The following SLC4A11 variants were observed in gnomAD, a reference collection of about 807,000 sequenced individuals.
The protein encoded by SLC4A11 is solute carrier family 4 member 11.
In SLC4A11, 74 loss-of-function variants were observed where a neutral mutation model predicts 95.0. The ratio of observed to expected loss-of-function variants is 0.78; its 90% CI spans 0.65 to 0.95. SLC4A11 has a LOEUF of 0.95. Among genes scored for constraint, SLC4A11 ranks in the 40% least tolerant of loss-of-function variants. SLC4A11 has a pLI of 0.00. For missense variants in SLC4A11, 1,081 were observed against 1,192.4 expected (o/e 0.91, Z 1.38); for synonymous variants, 548 against 519.0 (o/e 1.06, Z -0.76).
chr20:3,231,598 C>A lies in SLC4A11; in HGVS notation c.730-50G>T. On this transcript the variant is annotated intron_variant, in intron 7 of 19. Transcript: ENST00000642402. This position sits in a 1 kb window ranked among gnomAD's most constrained non-coding sequence, Gnocchi z 5.2. ...CCCTAGAAACAGAGGAGGCCCTGCCCGGGCCGAGCAGGTGAAGGTGCTCTC... is the reference window on the plus strand; with the variant it reads ...CCCTAGAAACAGAGGAGGCCCTGCCAGGGCCGAGCAGGTGAAGGTGCTCTC... 2 of 1,571,676 alleles carry A rather than the reference C, an allele frequency of 1.3e-6. No homozygotes were observed. The highest frequency in any genetic ancestry group is 1.7e-6 in the Non-Finnish European group (2 of 1,146,668).
chr20:3,233,955 C>A lies in SLC4A11; in HGVS notation c.571G>T (p.Gly191Trp). The change falls in exon 6 of 20, where the codon GGG becomes TGG. Residue 191 changes from glycine to tryptophan, a missense_variant. Physicochemically the swap from Gly to Trp is radical, Grantham distance 184. Coordinates refer to ENST00000642402, the MANE Select transcript of SLC4A11 (RefSeq NM_001174089.2). Reference sequence around the variant, plus strand: ...AGCCACGACTGCTGGTACCGCACCCCTGTCACTGTGGCGGTGACCCCTTGG... The same window carrying A: ...AGCCACGACTGCTGGTACCGCACCCATGTCACTGTGGCGGTGACCCCTTGG... ...TIQGVTATVT[G>W]VRYQQSWLCI... 1 of 1,613,766 alleles carries A rather than the reference C, an allele frequency of 6.2e-7. No homozygotes were observed. The highest frequency in any genetic ancestry group is 8.5e-7 in the Non-Finnish European group (1 of 1,179,992).
chr20:3,234,460 G>A lies in SLC4A11; in HGVS notation c.291+108C>T. On this transcript the variant is annotated intron_variant, in intron 4 of 19. Transcript: ENST00000642402. The surrounding 1 kb of genome is among the most constrained non-coding windows in gnomAD (Gnocchi z 5.8). ...GCTGGTGCGAGCTCCCTGTTGAGCTGCTCCTGGAGGCATGGGAAGAGGGGA... is the reference window on the plus strand; with the variant it reads ...GCTGGTGCGAGCTCCCTGTTGAGCTACTCCTGGAGGCATGGGAAGAGGGGA... The A allele has an allele frequency of 9.1e-6, 14 of 1,544,752 alleles. No homozygotes were observed. The highest frequency in any genetic ancestry group is 1.2e-5 in the Non-Finnish European group (13 of 1,120,868).
rs1331503686 is a variant in SLC4A11, at chr20:3,230,924, G to A, written c.1168+9C>T. 7.7e-7 allele frequency: 1 copy of A among 1,294,368 alleles called. No individual in the cohort carries two copies. Among genetic ancestry groups the A allele is most frequent in the Non-Finnish European group, 1.1e-6 (1 of 914,652 alleles). The allele number at this position is 1,294,368 out of a possible 1,614,324, so 80.2% of individuals were successfully genotyped here. A position where few individuals can be genotyped will look rare whatever the true frequency, so the allele number is the denominator to read the frequency against. ...TACCCCCACCCACCGCCCACCGCCA[G>A]CCCCTCACCGATGGCCCCGTCTGTG... On this transcript the variant is annotated intron_variant, in intron 10 of 19. Transcript: ENST00000642402.
In SLC4A11 at chr20:3,229,094, C is replaced by G; in HGVS notation, c.2018+1G>C. The G allele has an allele frequency of 6.3e-7, 1 of 1,599,540 alleles. No homozygotes were observed. The highest frequency in any genetic ancestry group is 8.5e-7 in the Non-Finnish European group (1 of 1,175,422). ...ACCCCACCCTCACCCACCCTCCACA[C>G]CTGTTCTCCGGTGCATTCACCAAGG... On this transcript the variant is annotated splice_donor_variant, in intron 16 of 19. Coordinates refer to ENST00000642402, the MANE Select transcript of SLC4A11 (RefSeq NM_001174089.2). LOFTEE classifies it high-confidence loss of function.
chr20:3,229,479 G>A (rs2067677373), intron 14 of SLC4A11, 27 bp from the exon 15 acceptor site: 1 of 1,612,966 alleles, frequency 6.2e-7, no homozygotes, highest in Admixed American at 1.7e-5. Flanking sequence ...CATGAGCACA[G>A]CCTTTGACCC....
At chr20:3,235,295 TCTCTCTCTCTCTCTCA>T (rs1360731307) in intron 2 of SLC4A11, among the ~76,000 whole-genome samples, 2 of 110,266 alleles carry the variant, frequency 1.8e-5, no homozygotes, top group Non-Finnish European at 3.9e-5. Context: ...TCTCTCTCTC[TCTCTCTCTCTCTCTCA>T]CACACACACA....
chr20:3,227,750 G>C lies in SLC4A11; in HGVS notation c.*37C>G, dbSNP rs766764788. On this transcript the variant is annotated 3_prime_UTR_variant, in exon 20 of 20. Transcript: ENST00000642402. ...TCCAGAGCCAGCCTGGGAGGACGTG[G>C]AGGGCTGGCGAATGGGGCGTGGGCA... The C allele has an allele frequency of 1.9e-5, 31 of 1,606,398 alleles. No individual in the cohort carries two copies. Among genetic ancestry groups the C allele is most frequent in the Non-Finnish European group, 2.6e-5 (30 of 1,175,582 alleles).
rs1354530568 is a variant in SLC4A11, at chr20:3,231,067, G to C, written c.1043-9C>G. Reference sequence around the variant, plus strand: ...GTTTTTCCCAATAATGCCTAGGAATGGGGGATGGGAGAGAGGGTTTGCTGG... The same window carrying C: ...GTTTTTCCCAATAATGCCTAGGAATCGGGGATGGGAGAGAGGGTTTGCTGG... On this transcript the variant is annotated splice_polypyrimidine_tract_variant and intron_variant, in intron 9 of 19. Transcript: ENST00000642402. This position sits in a 1 kb window ranked among gnomAD's most constrained non-coding sequence, Gnocchi z 5.2. The C allele has an allele frequency of 1.9e-6, 3 of 1,608,202 alleles. No individual in the cohort carries two copies. The highest frequency in any genetic ancestry group is 3.3e-5 in the Admixed American group (2 of 59,950).
chr20:3,238,749 CA>C, intron 1 of SLC4A11: 1 of 1,092,194 alleles, frequency 9.2e-7, no homozygotes, highest in Non-Finnish European at 1.1e-6. Context: ...GCCAGGCTCC[CA>C]AAAGCTCGGC....
rs773524307 is a variant in SLC4A11, at chr20:3,234,197, G to T, written c.409C>A (p.Arg137=). ...CTGGCGAAGCGGCGAAGCATGGTCC[G>T]CAGCACGTTATCCAGGGAGGTGGCC... ...ETATSLDNVL[R]TMLRRFARDP... Residue 137 remains arginine (R), a synonymous_variant, in exon 5 of 20, where the codon CGG becomes AGG. Coordinates refer to ENST00000642402, the MANE Select transcript of SLC4A11 (RefSeq NM_001174089.2). The surrounding 1 kb of genome is among the most constrained non-coding windows in gnomAD (Gnocchi z 5.8). The T allele has an allele frequency of 1.2e-6, 2 of 1,614,090 alleles. No individual in the cohort carries two copies. Among genetic ancestry groups the T allele is most frequent in the South Asian group, 2.2e-5 (2 of 91,088 alleles).
Position 3,237,530 on chromosome 20 carries a change from C to G in SLC4A11, c.88+14G>C, listed in dbSNP as rs199733818. On this transcript the variant is annotated intron_variant, in intron 2 of 19. Coordinates refer to ENST00000642402, the MANE Select transcript of SLC4A11 (RefSeq NM_001174089.2). ...GCTCTCTCTGCACACACACACTCCC[C>G]GAGAGGTACTCACTTGAATCCTCGA... is the stretch of plus-strand genomic sequence containing the variant. The G allele has an allele frequency of 1.1e-4, 180 of 1,613,428 alleles. No individual in the cohort carries two copies. Among genetic ancestry groups the G allele is most frequent in the Non-Finnish European group, 6.2e-5 (73 of 1,179,446 alleles).
chr20:3,229,498 C>T (rs1460043833), intron 14 of SLC4A11, 26 bp downstream of exon 14: 1 of 1,612,704 alleles, frequency 6.2e-7, no homozygotes, highest in Admixed American at 1.7e-5. Context: ...CCATGCGGCC[C>T]CTCCCCTCCC....
Position 3,238,198 on chromosome 20 carries a change from T to C in SLC4A11, c.44-610A>G. ...CCGTTGGTCCAAAAGGGAGAACAAT[T>C]GGGGGTGGGAGGAGTATCTGAGGGA... On this transcript the variant is annotated intron_variant, in intron 1 of 19. Transcript: ENST00000642402. The C allele has an allele frequency of 2.9e-6, 4 of 1,391,072 alleles. No homozygotes were observed. In the South Asian group the frequency reaches 6.4e-5, roughly 22 times the overall value. 86.2% of individuals were successfully genotyped at this position (1,391,072 alleles called of 1,614,324 possible). A position where few individuals can be genotyped will look rare whatever the true frequency, so the allele number is the denominator to read the frequency against.
At chr20:3,235,354 C>T (rs1336549666) in intron 2 of SLC4A11, among the ~76,000 whole-genome samples, 6 of 150,010 alleles carry the variant, frequency 4.0e-5, no homozygotes, top group African/African-American at 1.2e-4. Flanking sequence ...CACACACACA[C>T]GCTGCCTTGT....
chr20:3,237,669 A>G, intron 1 of SLC4A11, 81 bp from the exon 2 acceptor site: 1 of 1,613,726 alleles, frequency 6.2e-7, no homozygotes, highest in Non-Finnish European at 8.5e-7. Flanking sequence ...CCGCCCCCCG[A>G]CCTGGCTCAT....
intron 7 of SLC4A11, among the ~76,000 whole-genome samples, chr20:3,233,244 G>C (rs1041227813): frequency 6.6e-6 from 1 of 152,206 alleles, no homozygotes; most frequent in Admixed American, 6.5e-5. Context: ...TGGCGGGCGG[G>C]CAGGCCAGAG....
Position 3,231,667 on chromosome 20 carries a change from T to C in SLC4A11, c.730-119A>G. On this transcript the variant is annotated intron_variant, in intron 7 of 19. Transcript: ENST00000642402. This position sits in a 1 kb window ranked among gnomAD's most constrained non-coding sequence, Gnocchi z 5.2. ...GTTTTTTGTCTGTTTGTTTTTTGTGTTTTTTTGAGACAGGGTCTCACTGTC... is the reference window on the plus strand; with the variant it reads ...GTTTTTTGTCTGTTTGTTTTTTGTGCTTTTTTGAGACAGGGTCTCACTGTC... 14 of 932,098 alleles carry C rather than the reference T, an allele frequency of 1.5e-5. No individual in the cohort carries two copies. Among genetic ancestry groups the C allele is most frequent in the East Asian group, 7.9e-5 (3 of 38,112 alleles). 57.7% of individuals were successfully genotyped at this position (932,098 alleles called of 1,614,324 possible).
At chr20:3,235,309 T>TCTCTCACACA (rs1318815472) in intron 2 of SLC4A11, among the ~76,000 whole-genome samples, 1 of 123,540 alleles carries the variant, frequency 8.1e-6, no homozygotes, top group African/African-American at 3.2e-5. Context: ...TCTCTCTCTC[T>TCTCTCACACA]CACACACACA....
In SLC4A11 at chr20:3,231,095, A is replaced by G. The variant is rs2067755402; in HGVS notation, c.1043-37T>C. The G allele has an allele frequency of 6.2e-7, 1 of 1,614,118 alleles. No homozygotes were observed. Among genetic ancestry groups the G allele is most frequent in the East Asian group, 2.2e-5 (1 of 44,882 alleles). Reference sequence around the variant, plus strand: ...GGATGGGAGAGAGGGTTTGCTGGGGATGCAGGACAGGCACACGTGTGGGCC... The same window carrying G: ...GGATGGGAGAGAGGGTTTGCTGGGGGTGCAGGACAGGCACACGTGTGGGCC... On this transcript the variant is annotated intron_variant, in intron 9 of 19. Transcript: ENST00000642402. This position sits in a 1 kb window ranked among gnomAD's most constrained non-coding sequence, Gnocchi z 5.2.
Sources: gnomAD v4.1 joint callset for allele counts (sites outside exome capture counted in the v4.1 genomes callset) on GRCh38, gnomAD v4.1.1 for gene constraint, Gnocchi (gnomAD v3.1) non-coding constraint, MANE v1.5 for transcripts, NCBI Gene and HGNC (gene_info 2026-07-23, HGNC 2026-07-21) for gene names.